Variants in AHNAK2 observed in about 807,000 individuals in gnomAD.
AHNAK2 encodes the protein protein AHNAK2.
In AHNAK2, 18 loss-of-function variants were observed where a neutral mutation model predicts 30.7. The ratio of observed to expected loss-of-function variants is 0.59; its 90% CI spans 0.41 to 0.87. AHNAK2 has a LOEUF of 0.87. Among genes scored for constraint, AHNAK2 ranks in the 40% least tolerant of loss-of-function variants. The pLI is 0.00. For synonymous variants in AHNAK2, 3,590 were observed against 3,073.8 expected (o/e 1.17, Z -5.56); for missense variants, 8,604 against 7,373.0 (o/e 1.17, Z -6.11).
Position 104,950,394 on chromosome 14 carries a change from G to T in AHNAK2, c.5057C>A (p.Pro1686Gln). ...SIEASVDVSEPKVEADVSLPS... is the reference protein window; with the variant it reads ...SIEASVDVSEQKVEADVSLPS... Reference sequence around the variant, plus strand: ...GAGGCTCACATCAGCTTCCACCTTCGGCTCAGACACATCCACCGAGGCCTC... The same window carrying T: ...GAGGCTCACATCAGCTTCCACCTTCTGCTCAGACACATCCACCGAGGCCTC... The change falls in exon 7 of 7, where the codon CCG becomes CAG. Residue 1686 changes from proline (P) to glutamine (Q), a missense_variant. Coordinates refer to ENST00000333244, the MANE Select transcript of AHNAK2 (RefSeq NM_138420.4). 1 of 1,585,270 alleles carries T rather than the reference G, an allele frequency of 6.3e-7. No individual in the cohort carries two copies. Among genetic ancestry groups the T allele is most frequent in the Non-Finnish European group, 8.6e-7 (1 of 1,162,628 alleles).
In AHNAK2 at chr14:104,945,552, T is replaced by G; in HGVS notation, c.9899A>C (p.Asp3300Ala). Residue 3300 changes from aspartate to alanine, a missense_variant, in exon 7 of 7, where the codon GAT (aspartate) becomes GCT (alanine). Asp to Ala is a moderately radical substitution (Grantham distance 126, BLOSUM62 -2). Coordinates refer to ENST00000333244, the MANE Select transcript of AHNAK2 (RefSeq NM_138420.4). Reference sequence around the variant, plus strand: ...GAACTTGCTGTCTTTGGCAGTCACATCCTTGTCGGCCAGGGACAGGTCCCC... The same window carrying G: ...GAACTTGCTGTCTTTGGCAGTCACAGCCTTGTCGGCCAGGGACAGGTCCCC... The part of the protein sequence containing the change: ...LEGDLSLADK[D>A]VTAKDSKFKM... The G allele has an allele frequency of 3.1e-6, 5 of 1,611,034 alleles. No homozygotes were observed. The highest frequency in any genetic ancestry group is 4.2e-6 in the Non-Finnish European group (5 of 1,178,716).
In AHNAK2 at chr14:104,939,924, G is replaced by T; in HGVS notation, c.15527C>A (p.Pro5176Gln). The T allele has an allele frequency of 6.2e-7, 1 of 1,612,452 alleles. No individual in the cohort carries two copies. The highest frequency in any genetic ancestry group is 8.5e-7 in the Non-Finnish European group (1 of 1,179,880). The change falls in exon 7 of 7, where the codon CCA becomes CAA. Residue 5176 changes from proline to glutamine, a missense_variant. Pro to Gln is a moderately conservative substitution (Grantham distance 76). Transcript: ENST00000333244. Reference sequence around the variant, plus strand: ...GTACTTGGTCATGGCTTCCTCCTCTGGGCTTTCCACTGTGAGGACTTCAGC... The same window carrying T: ...GTACTTGGTCATGGCTTCCTCCTCTTGGCTTTCCACTGTGAGGACTTCAGC... ...PDAEVLTVES[P>Q]EEEAMTKYSQ... is the part of the protein sequence containing the mutation.
rs780324401 is a variant in AHNAK2, at chr14:104,952,313, G to A, written c.3138C>T (p.Leu1046=). The change falls in exon 7 of 7, where the codon CTC becomes CTT. Residue 1046 remains leucine (L), a synonymous_variant. Transcript: ENST00000333244. ...GGTCAGTAGAAGCAGGCTGAATGCT[G>A]AGGTCAGTGGTCTTCAGGTCCCCCT... ...SMQGDLKTTD[L]SIQPASTDLK... 6.2e-7 allele frequency: 1 copy of A among 1,611,884 alleles called. No individual in the cohort carries two copies. The highest frequency in any genetic ancestry group is 8.5e-7 in the Non-Finnish European group (1 of 1,179,230).
intron 1 of AHNAK2, among the ~76,000 whole-genome samples, chr14:104,968,020 T>C (rs74090142): frequency 0.024 from 3,595 of 152,298 alleles, 132 homozygotes; most frequent in African/African-American, 0.08. Context: ...CACTGTTTGT[T>C]GACGGTCACC....
chr14:104,953,884 CT>C lies in AHNAK2; in HGVS notation c.1566del (p.Ala523ArgfsTer5), dbSNP rs763171736. 2.5e-6 allele frequency: 4 copies of C among 1,613,892 alleles called. No individual in the cohort carries two copies. In the African/African-American group the frequency reaches 5.3e-5, roughly 22 times the overall value. ...TCCTCACCCTTCAGGCCAGTACCCG[CT>C]TTTGAGGACGCATCCTGTCTCTTCC... is the stretch of plus-strand genomic sequence containing the variant. ...QRGKRQDASS[K>X]AGTGLKGEEV... On this transcript the variant is annotated frameshift_variant, in exon 7 of 7. Transcript: ENST00000333244. LOFTEE classifies it low-confidence loss of function (END_TRUNC).
Position 104,946,502 on chromosome 14 carries a change from G to C in AHNAK2, c.8949C>G (p.Phe2983Leu), listed in dbSNP as rs763997328. 3 of 1,611,932 alleles carry C rather than the reference G, an allele frequency of 1.9e-6. No individual in the cohort carries two copies. Among genetic ancestry groups the C allele is most frequent in the African/African-American group, 1.3e-5 (1 of 74,340 alleles). Residue 2983 changes from phenylalanine to leucine, a missense_variant, in exon 7 of 7, where the codon TTC becomes TTG. Coordinates refer to ENST00000333244, the MANE Select transcript of AHNAK2 (RefSeq NM_138420.4). ...CAGACACCCCGAACGACGGCATCTTGAACTTGGGCATTTTGAACTTGCTGT... is the reference window on the plus strand; with the variant it reads ...CAGACACCCCGAACGACGGCATCTTCAACTTGGGCATTTTGAACTTGCTGT... The part of the protein sequence containing the change: ...AKDSKFKMPK[F>L]KMPSFGVSAP...
rs983507706 is a variant in AHNAK2, at chr14:104,952,271, G to T, written c.3180C>A (p.Asp1060Glu). ...CCTCCGGGAGCTTCACATCCACCTGGTCAGCCTGGACCTTCAGGTCAGTAG... is the reference window on the plus strand; with the variant it reads ...CCTCCGGGAGCTTCACATCCACCTGTTCAGCCTGGACCTTCAGGTCAGTAG... ...PASTDLKVQA[D>E]QVDVKLPEGH... The change falls in exon 7 of 7, where the codon GAC becomes GAA. Residue 1060 changes from aspartate to glutamate, a missense_variant. Physicochemically the swap from Asp to Glu is conservative, Grantham distance 45. Coordinates refer to ENST00000333244, the MANE Select transcript of AHNAK2 (RefSeq NM_138420.4). 3 of 1,612,418 alleles carry T rather than the reference G, an allele frequency of 1.9e-6. No homozygotes were observed. The Admixed American group carries it at 5.0e-5, about 27-fold the overall frequency.
rs757089683 is a variant in AHNAK2, at chr14:104,943,366, C to A, written c.12085G>T (p.Ala4029Ser). ...QPPSADLEVQ[A>S]GQVDVKLPEG... ...GGGAGTTTCACGTCCACTTGGCCAG[C>A]CTGGACCTCCAGGTCAGCGGAAGGG... Residue 4029 changes from alanine to serine, a missense_variant, in exon 7 of 7, where the codon GCT becomes TCT. Transcript: ENST00000333244. 1.9e-6 allele frequency: 3 copies of A among 1,612,858 alleles called. No individual in the cohort carries two copies. In the Admixed American group the frequency reaches 5.0e-5, roughly 27 times the overall value.
rs959746423 is a variant in AHNAK2 at position 104,957,332 on chromosome 14, A to G, written c.213+78T>C. The stretch of plus-strand genomic sequence containing the variant: ...GCGGGGCAGGGCAGCAAGGTTGAAC[A>G]GACATGCGTGAGTTGCCCACACAGG... On this transcript the variant is annotated intron_variant, in intron 3 of 6. Transcript: ENST00000333244. The G allele has an allele frequency of 1.4e-5, 19 of 1,346,212 alleles. No individual in the cohort carries two copies. The African/African-American group carries it at 2.8e-4, about 20-fold the overall frequency. The allele number at this position is 1,346,212 out of a possible 1,614,324, so 83.4% of individuals were successfully genotyped here.
rs771111319 is a variant in AHNAK2, at chr14:104,939,789, G to A, written c.15662C>T (p.Pro5221Leu). ...TGCTGCTTCACCCCCTGTTGCTGCC[G>A]GTGCCTGTGTCTGAGCCACTTCCAG... Reference protein sequence around the residue: ...GKLEVAQTQAPAATGGEAAAK... With the variant: ...GKLEVAQTQALAATGGEAAAK... Residue 5221 changes from proline to leucine, a missense_variant, in exon 7 of 7, where the codon CCG becomes CTG. Transcript: ENST00000333244. 1.4e-5 allele frequency: 22 copies of A among 1,613,574 alleles called. No individual in the cohort carries two copies. Among genetic ancestry groups the A allele is most frequent in the Middle Eastern group, 3.3e-4 (2 of 6,084 alleles).
At chr14:104,972,301 A>G (rs570100447) in intron 1 of AHNAK2, among the ~76,000 whole-genome samples, 1 of 152,370 alleles carries the variant, frequency 6.6e-6, no homozygotes, top group African/African-American at 2.4e-5. Flanking sequence ...AAAGCTGGCC[A>G]CGTCTGCTCC....
Position 104,942,693 on chromosome 14 carries a change from A to T in AHNAK2, c.12758T>A (p.Met4253Lys). 2 of 1,611,956 alleles carry T rather than the reference A, an allele frequency of 1.2e-6. No homozygotes were observed. Among genetic ancestry groups the T allele is most frequent in the Non-Finnish European group, 1.7e-6 (2 of 1,179,116 alleles). ...LDLKGPKADV[M>K]TPVVEVSLPS... ...CAGAGACACCTCCACGACGGGGGTCATCACATCCGCCTTGGGGCCTTTCAG... is the reference window on the plus strand; with the variant it reads ...CAGAGACACCTCCACGACGGGGGTCTTCACATCCGCCTTGGGGCCTTTCAG... The change falls in exon 7 of 7, where the codon ATG (methionine) becomes AAG (lysine). Residue 4253 changes from methionine (M) to lysine (K), a missense_variant. Physicochemically the swap from Met to Lys is moderately conservative, Grantham distance 95. Transcript: ENST00000333244.
At position 104,948,670 on chromosome 14, in the gene AHNAK2, G is replaced by A. The variant is rs138332394; in HGVS notation, c.6781C>T (p.Pro2261Ser). ...LKGPEIDIKG[P>S]KLDLKDPKVE... is the part of the protein sequence containing the mutation. The stretch of plus-strand genomic sequence containing the variant: ...TTGGGGTCTTTTAGGTCCAGCTTGG[G>A]GCCCTTGATGTCTATTTCGGGGCCC... The change falls in exon 7 of 7, where the codon CCC becomes TCC. Residue 2261 changes from proline (P) to serine (S), a missense_variant. Transcript: ENST00000333244. 2 of 1,611,244 alleles carry A rather than the reference G, an allele frequency of 1.2e-6. 1 individual carries two copies. The highest frequency in any genetic ancestry group is 2.7e-5 in the African/African-American group (2 of 73,446).
At position 104,947,612 on chromosome 14, in the gene AHNAK2, G is replaced by A. The variant is rs746330214; in HGVS notation, c.7839C>T (p.Ser2613=). The change falls in exon 7 of 7, where the codon AGC becomes AGT. Residue 2613 remains serine, a synonymous_variant. Transcript: ENST00000333244. Reference sequence around the variant, plus strand: ...TCGGGGCCTGGACGTCCACCTCCATGCTGGACAGAGACATCTCCACATCGG... The same window carrying A: ...TCGGGGCCTGGACGTCCACCTCCATACTGGACAGAGACATCTCCACATCGG... ...TAPDVEMSLS[S]MEVDVQAPRA... is the part of the protein sequence containing the mutation. 1.6e-5 allele frequency: 25 copies of A among 1,612,742 alleles called. No individual in the cohort carries two copies. The highest frequency in any genetic ancestry group is 4.0e-5 in the African/African-American group (3 of 74,442).
chr14:104,946,415 C>T lies in AHNAK2; in HGVS notation c.9036G>A (p.Val3012=), dbSNP rs1898271373. The T allele has an allele frequency of 6.2e-7, 1 of 1,612,708 alleles. No individual in the cohort carries two copies. The part of the protein sequence containing the change: ...DVSAPKVEAE[V]SLPSMQGDLK... The stretch of plus-strand genomic sequence containing the variant: ...GGTCCCCCTGCATGGAGGGGAGGCT[C>T]ACTTCGGCCTCCACCTTCGGCGCAG... The change falls in exon 7 of 7, where the codon GTG becomes GTA. Residue 3012 remains valine, a synonymous_variant. Transcript: ENST00000333244.
chr14:104,962,450 G>A (rs192833545), intron 1 of AHNAK2, among the ~76,000 whole-genome samples: 41 of 152,338 alleles, frequency 2.7e-4, no homozygotes, highest in Middle Eastern at 3.4e-3. Flanking sequence ...TTTTGAGACA[G>A]GGTCTCACTC....
rs567739908 is a variant in AHNAK2, at chr14:104,947,569, C to T, written c.7882G>A (p.Ala2628Thr). Reference sequence around the variant, plus strand: ...AGGGACAGGTCCCCCTCCAGCCGCGCACCATCCAGCTTTGCTCTCGGGGCC... The same window carrying T: ...AGGGACAGGTCCCCCTCCAGCCGCGTACCATCCAGCTTTGCTCTCGGGGCC... ...VQAPRAKLDGARLEGDLSLAD... is the reference protein window; with the variant it reads ...VQAPRAKLDGTRLEGDLSLAD... The change falls in exon 7 of 7, where the codon GCG becomes ACG. Residue 2628 changes from alanine to threonine, a missense_variant. Physicochemically the swap from Ala to Thr is moderately conservative, Grantham distance 58 (BLOSUM62 0). Coordinates refer to ENST00000333244, the MANE Select transcript of AHNAK2 (RefSeq NM_138420.4). The T allele has an allele frequency of 4.3e-6, 7 of 1,613,066 alleles. No individual in the cohort carries two copies. The highest frequency in any genetic ancestry group is 4.0e-5 in the African/African-American group (3 of 74,618).
chr14:104,953,069 C>T lies in AHNAK2; in HGVS notation c.2382G>A (p.Met794Ile). 6.2e-7 allele frequency: 1 copy of T among 1,613,458 alleles called. No homozygotes were observed. Among genetic ancestry groups the T allele is most frequent in the Non-Finnish European group, 8.5e-7 (1 of 1,179,766 alleles). Residue 794 changes from methionine to isoleucine, a missense_variant, in exon 7 of 7, where the codon ATG (methionine) becomes ATA (isoleucine). Coordinates refer to ENST00000333244, the MANE Select transcript of AHNAK2 (RefSeq NM_138420.4). ...CGTCCACCTCCATGCTGGACAGAGACATCTTCACATCGGGGGCTGTCACTT... is the reference window on the plus strand; with the variant it reads ...CGTCCACCTCCATGCTGGACAGAGATATCTTCACATCGGGGGCTGTCACTT... The part of the protein sequence containing the change: ...KAEVTAPDVK[M>I]SLSSMEVDVQ...
chr14:104,951,500 A>C lies in AHNAK2; in HGVS notation c.3951T>G (p.Ala1317=), dbSNP rs76231332. The change falls in exon 7 of 7, where the codon GCT becomes GCG. Residue 1317 remains alanine, a synonymous_variant. Coordinates refer to ENST00000333244, the MANE Select transcript of AHNAK2 (RefSeq NM_138420.4). ...GAQLDGDLSL[A]DKDVTAKDSK... is the part of the protein sequence containing the mutation. ...TGTCTTTGGCAGTCACGTCCTTGTC[A>C]GCCAGGGACAGGTCCCCGTCCAGCT... 3.5e-5 allele frequency: 44 copies of C among 1,242,254 alleles called. 6 individuals are homozygous for C. In the Admixed American group the frequency reaches 8.3e-4, roughly 23 times the overall value. 77.0% of individuals were successfully genotyped at this position (1,242,254 alleles called of 1,614,324 possible).
Sources: gnomAD v4.1 joint callset for allele counts (sites outside exome capture counted in the v4.1 genomes callset) on GRCh38, gnomAD v4.1.1 for gene constraint, MANE v1.5 for transcripts, NCBI Gene and HGNC (gene_info 2026-07-23, HGNC 2026-07-21) for gene names.